PDE11A: variants seen among roughly 807,000 people sequenced by gnomAD.
PDE11A encodes phosphodiesterase 11A.
A neutral mutation model predicts 100.5 loss-of-function variants in PDE11A; 100 were observed. The observed-to-expected ratio is 1.00, with a 90% CI of 0.85 to 1.18. The LOEUF (loss-of-function observed/expected upper bound fraction) is 1.18, where lower values mean the gene tolerates loss of function less well. Among genes scored for constraint, PDE11A ranks in the 50% most tolerant of loss-of-function variants. PDE11A has a pLI of 0.00. For synonymous variants in PDE11A, 381 were observed against 420.8 expected, an observed-to-expected ratio of 0.91 and a Z score of 1.16; for missense variants, 1,141 against 1,152.6, an observed-to-expected ratio of 0.99 and a Z score of 0.15.
At chr2:178,105,692 A>G in intron 1 of PDE11A, 1 of 920,310 alleles carries the variant, frequency 1.1e-6, no homozygotes, top group Non-Finnish European at 1.6e-6. Context: ...AAGGCCCTGA[A>G]TGTGGAACCT....
At chr2:177,952,618 C>T (rs186412645) in intron 2 of PDE11A, among the ~76,000 whole-genome samples, 1 of 152,140 alleles carries the variant, frequency 6.6e-6, no homozygotes, top group East Asian at 1.9e-4. Flanking sequence ...GTCAGAAACC[C>T]ATATCCTTCC....
chr2:177,998,712 C>T lies in PDE11A; in HGVS notation c.1071+15590G>A, dbSNP rs112674309. 198 of 1,038,420 alleles carry T rather than the reference C, an allele frequency of 1.9e-4. No homozygotes were observed. The African/African-American group carries it at 2.3e-3, about 12-fold the overall frequency. The allele number at this position is 1,038,420 out of a possible 1,614,324, so 64.3% of individuals were successfully genotyped here. On this transcript the variant is annotated intron_variant, in intron 2 of 19. Coordinates refer to ENST00000286063, the MANE Select transcript of PDE11A (RefSeq NM_016953.4). ...ATAGGCATCTTTATGCTGGCCCACTCGCTCCGTGGTATCGGCCATGATGCC... is the reference window on the plus strand; with the variant it reads ...ATAGGCATCTTTATGCTGGCCCACTTGCTCCGTGGTATCGGCCATGATGCC...
chr2:177,968,537 C>T (rs1165883062), intron 2 of PDE11A, among the ~76,000 whole-genome samples: 1 of 152,132 alleles, frequency 6.6e-6, no homozygotes, highest in Non-Finnish European at 1.5e-5. Context: ...ACATACAATT[C>T]CAAATAAACC....
rs76216277 is a variant in PDE11A at position 178,071,640 on chromosome 2, C to A, written c.798G>T (p.Leu266=). The change falls in exon 1 of 20, where the codon CTG becomes CTT. Residue 266 remains leucine, a synonymous_variant. Coordinates refer to ENST00000286063, the MANE Select transcript of PDE11A (RefSeq NM_016953.4). ...AGTTCTCTGTGCTGCTGCAAGGCAG[C>A]AGAGGTGTTCCTGCATGCACATCAA... is the stretch of plus-strand genomic sequence containing the variant. The part of the protein sequence containing the change: ...KFFDVHAGTP[L]LPCSSTENSN... 154 of 1,613,388 alleles carry A rather than the reference C, an allele frequency of 9.5e-5. No individual in the cohort carries two copies. The highest frequency in any genetic ancestry group is 1.3e-4 in the Non-Finnish European group (152 of 1,179,350).
At chr2:177,634,483 G>A (rs2080006940) in intron 19 of PDE11A, among the ~76,000 whole-genome samples, 1 of 150,754 alleles carries the variant, frequency 6.6e-6, no homozygotes, top group African/African-American at 2.5e-5. Context: ...CCGCCTCCCT[G>A]GTTCAAGCGA....
chr2:177,943,637 T>C (rs1211382816), intron 2 of PDE11A, among the ~76,000 whole-genome samples: 1 of 152,246 alleles, frequency 6.6e-6, no homozygotes, highest in Non-Finnish European at 1.5e-5. Flanking sequence ...TAACTCCTTA[T>C]CAGATATATA....
intron 5 of PDE11A, among the ~76,000 whole-genome samples, chr2:177,856,407 G>C (rs1483311627): frequency 6.6e-6 from 1 of 151,930 alleles, no homozygotes; most frequent in African/African-American, 2.4e-5. Context: ...TACAGTAAAG[G>C]ATACTCCATA....
At position 177,656,130 on chromosome 2, in the gene PDE11A, T is replaced by A. The variant is rs181682629; in HGVS notation, c.2646+7736A>T. 2.0e-5 allele frequency among the ~76,000 whole-genome samples: 3 copies of A among 152,348 alleles called. 1 individual carries two copies. Among genetic ancestry groups the A allele is most frequent in the Admixed American group, 2.0e-4 (3 of 15,296 alleles). On this transcript the variant is annotated intron_variant, in intron 19 of 19. Transcript: ENST00000286063. ...CAGATTATGGGCAGGAATATAACAG[T>A]GCATACTCTGATGAAAGGTTTTATA... is the stretch of plus-strand genomic sequence containing the variant.
intron 15 of PDE11A, among the ~76,000 whole-genome samples, chr2:177,691,984 T>A (rs1351543070): frequency 1.3e-5 from 2 of 152,228 alleles, no homozygotes; most frequent in Admixed American, 1.3e-4. Context: ...CTGCTGCTAA[T>A]TGGACTGTAT....
At chr2:177,637,869 A>G (rs552088965) in intron 19 of PDE11A, among the ~76,000 whole-genome samples, 8 of 149,002 alleles carry the variant, frequency 5.4e-5, no homozygotes, top group East Asian at 4.0e-4. Flanking sequence ...TTAATCTGCT[A>G]TGGATCTCAT....
intron 5 of PDE11A, among the ~76,000 whole-genome samples, chr2:177,860,088 CA>C (rs2083919656): frequency 6.6e-6 from 1 of 151,482 alleles, no homozygotes; most frequent in Non-Finnish European, 1.5e-5. Flanking sequence ...ACACCTAAAG[CA>C]AACAGAAAGG....
chr2:178,024,193 C>T (rs1265133115), intron 1 of PDE11A, among the ~76,000 whole-genome samples: 3 of 152,126 alleles, frequency 2.0e-5, no homozygotes, highest in Non-Finnish European at 4.4e-5. Flanking sequence ...GGGTGAATCA[C>T]CTGAGGTCAG....
At chr2:178,047,452 G>C (rs1471179718) in intron 1 of PDE11A, among the ~76,000 whole-genome samples, 1 of 147,040 alleles carries the variant, frequency 6.8e-6, no homozygotes, top group Non-Finnish European at 1.5e-5. Flanking sequence ...CACAGAGCAA[G>C]AGTCTGTCTC....
chr2:177,711,973 C>T (rs1395456040), intron 12 of PDE11A, 95 bp from the exon 13 acceptor site: 1 of 697,354 alleles, frequency 1.4e-6, no homozygotes, highest in East Asian at 2.7e-5. Flanking sequence ...TTTTCATACC[C>T]ACATCATTTA....
intron 9 of PDE11A, among the ~76,000 whole-genome samples, chr2:177,808,164 G>A (rs1270965816): frequency 6.6e-6 from 1 of 152,104 alleles, no homozygotes; most frequent in African/African-American, 2.4e-5. Context: ...TAATTTGTAG[G>A]CAATGGAAAA....
intron 4 of PDE11A, among the ~76,000 whole-genome samples, chr2:177,879,125 G>A (rs1466435063): frequency 1.3e-5 from 2 of 152,160 alleles, no homozygotes; most frequent in Non-Finnish European, 2.9e-5. Flanking sequence ...AGCGTGGTAA[G>A]AGTAGATGTT....
chr2:178,042,376 G>T (rs1379423662), intron 1 of PDE11A, among the ~76,000 whole-genome samples: 1 of 151,888 alleles, frequency 6.6e-6, no homozygotes, highest in Non-Finnish European at 1.5e-5. Context: ...TACTTAGGAA[G>T]CGGAGGCTGG....
At chr2:177,945,858 G>A (rs367952922) in intron 2 of PDE11A, among the ~76,000 whole-genome samples, 14,851 of 93,168 alleles carry the variant, frequency 0.16, 3 homozygotes, top group East Asian at 0.25. Context: ...GGCCAGCCGT[G>A]CCGTCCGGGA....
chr2:177,641,631 A>T (rs1433219106), intron 19 of PDE11A, among the ~76,000 whole-genome samples: 1 of 152,158 alleles, frequency 6.6e-6, no homozygotes, highest in Non-Finnish European at 1.5e-5. Flanking sequence ...TTTGTATTAA[A>T]TTGCTTAAGA....
Sources: gnomAD v4.1 joint callset for allele counts (sites outside exome capture counted in the v4.1 genomes callset) on GRCh38, gnomAD v4.1.1 for gene constraint, MANE v1.5 for transcripts, NCBI Gene and HGNC (gene_info 2026-07-23, HGNC 2026-07-21) for gene names.